Variants in UNC13C observed in about 807,000 individuals in gnomAD.
UNC13C encodes protein unc-13 homolog C.
Under a neutral mutation model 245.4 loss-of-function variants are expected in UNC13C, and 174 were observed. The observed-to-expected ratio is 0.71, with a 90% CI of 0.63 to 0.80. UNC13C has a LOEUF of 0.80. Among genes scored for constraint, UNC13C ranks in the 30% least tolerant of loss-of-function variants. UNC13C has a pLI of 0.00. For synonymous variants in UNC13C, 992 were observed against 895.1 expected, an observed-to-expected ratio of 1.11 and a Z score of -1.93; for missense variants, 2,829 against 2,602.9, an observed-to-expected ratio of 1.09 and a Z score of -1.89.
chr15:54,104,038 C>G (rs369320689), intron 2 of UNC13C, among the ~76,000 whole-genome samples: 1 of 152,226 alleles, frequency 6.6e-6, no homozygotes, highest in Admixed American at 6.5e-5. Flanking sequence ...CCACCATGCC[C>G]GGCCACACGT....
intron 30 of UNC13C, among the ~76,000 whole-genome samples, chr15:54,581,125 C>G (rs771718995): frequency 7.2e-5 from 11 of 152,110 alleles, no homozygotes; most frequent in Non-Finnish European, 1.5e-4. Flanking sequence ...AGAGTAGAGG[C>G]TTTCAGAAGG....
chr15:54,111,342 A>G (rs1900760519), intron 2 of UNC13C, among the ~76,000 whole-genome samples: 1 of 152,248 alleles, frequency 6.6e-6, no homozygotes, highest in Admixed American at 6.5e-5. Context: ...ATTTCCTCAT[A>G]AAAATAAAGT....
chr15:54,097,481 C>A (rs1413971199), intron 2 of UNC13C, among the ~76,000 whole-genome samples: 1 of 152,122 alleles, frequency 6.6e-6, no homozygotes, highest in African/African-American at 2.4e-5. Context: ...GCCTGGTATT[C>A]TATGTAGCTT....
intron 17 of UNC13C, among the ~76,000 whole-genome samples, chr15:54,343,611 T>C (rs76080743): frequency 0.038 from 5,801 of 152,252 alleles, 355 homozygotes; most frequent in African/African-American, 0.12. Context: ...CCTGAAGAAA[T>C]TCTCCCTCCT....
intron 18 of UNC13C, 69 bp downstream of exon 18, chr15:54,393,250 G>A (rs73417774): frequency 0.21 from 281,304 of 1,332,976 alleles, 35,231 homozygotes; most frequent in East Asian, 0.66. Flanking sequence ...TATTTTAAGC[G>A]CAACATATAC....
At chr15:54,592,958 TTCA>T (rs1045179810) in intron 30 of UNC13C, among the ~76,000 whole-genome samples, 1 of 152,138 alleles carries the variant, frequency 6.6e-6, no homozygotes, top group Non-Finnish European at 1.5e-5. Context: ...CAGGATTTGT[TTCA>T]AGAGTTAGAG....
intron 1 of UNC13C, among the ~76,000 whole-genome samples, chr15:54,002,013 G>A (rs918138215): frequency 2.0e-5 from 3 of 152,242 alleles, no homozygotes; most frequent in East Asian, 1.9e-4. Context: ...TCAGCCAGGC[G>A]TGGTGGCTCA....
At chr15:54,367,495 G>A (rs2039390662) in intron 17 of UNC13C, among the ~76,000 whole-genome samples, 1 of 152,138 alleles carries the variant, frequency 6.6e-6, no homozygotes, top group Admixed American at 6.6e-5. Flanking sequence ...GCTCTTTGAA[G>A]GGAGGATCTG....
chr15:53,912,498 T>C, the UNC13C span: 4 of 152,228 alleles, frequency 2.6e-5, no homozygotes, highest in African/African-American at 9.7e-5. Context: ...TTGACAGTTA[T>C]GGGGGCCAAT....
chr15:54,276,069 C>G (rs1437283510), intron 10 of UNC13C, among the ~76,000 whole-genome samples: 1 of 151,860 alleles, frequency 6.6e-6, no homozygotes, highest in African/African-American at 2.4e-5. Context: ...ATAGAAAATG[C>G]AAAATGCAGA....
intron 4 of UNC13C, among the ~76,000 whole-genome samples, chr15:54,225,206 A>G (rs992990558): frequency 3.3e-5 from 5 of 151,140 alleles, no homozygotes; most frequent in South Asian, 4.2e-4. Context: ...TGTTTTAGTT[A>G]CTATAGCCTT....
At chr15:54,181,507 T>C (rs1488080352) in intron 4 of UNC13C, among the ~76,000 whole-genome samples, 1 of 151,960 alleles carries the variant, frequency 6.6e-6, no homozygotes, top group African/African-American at 2.4e-5. Context: ...TTTTTCTTCT[T>C]AGGCTTGCTT....
chr15:54,526,597 A>G (rs1168431087), intron 25 of UNC13C, among the ~76,000 whole-genome samples: 2 of 151,978 alleles, frequency 1.3e-5, no homozygotes, highest in Non-Finnish European at 2.9e-5. Context: ...ACAAAAAAGT[A>G]GCCGGGCGTG....
At chr15:53,875,901 A>C in the UNC13C span, among the ~76,000 whole-genome samples, 5 of 152,172 alleles carry the variant, frequency 3.3e-5, no homozygotes, top group African/African-American at 1.2e-4. Flanking sequence ...CTGACACTGA[A>C]GTGTCAATGT....
chr15:54,084,175 C>G (rs995374453), intron 2 of UNC13C, among the ~76,000 whole-genome samples: 2 of 152,220 alleles, frequency 1.3e-5, no homozygotes, highest in African/African-American at 4.8e-5. Context: ...TGTCCTGGCT[C>G]TCTTCCCTCA....
chr15:54,161,856 G>A (rs1234535244), intron 4 of UNC13C, among the ~76,000 whole-genome samples: 2 of 152,094 alleles, frequency 1.3e-5, no homozygotes, highest in African/African-American at 4.8e-5. Context: ...GCTGAGGCAG[G>A]AGAATGGTTT....
chr15:54,440,254 C>T (rs1010230746), intron 19 of UNC13C, among the ~76,000 whole-genome samples: 1 of 151,914 alleles, frequency 6.6e-6, no homozygotes, highest in African/African-American at 2.4e-5. Flanking sequence ...TGAGGCCTTC[C>T]CACTTTACAG....
chr15:54,421,998 T>C (rs992972042), intron 19 of UNC13C, among the ~76,000 whole-genome samples: 1 of 152,024 alleles, frequency 6.6e-6, no homozygotes, highest in Non-Finnish European at 1.5e-5. Context: ...TTTAAATCAG[T>C]GATATGGATG....
At chr15:54,115,880 T>C (rs1248605472) in intron 2 of UNC13C, among the ~76,000 whole-genome samples, 3 of 152,048 alleles carry the variant, frequency 2.0e-5, no homozygotes, top group Non-Finnish European at 2.9e-5. Flanking sequence ...ATGGTATGAC[T>C]TTGATGACCT....
Sources: allele counts gnomAD v4.1 joint callset (sites outside exome capture counted in the v4.1 genomes callset), GRCh38; gene constraint gnomAD v4.1.1; transcripts MANE v1.5; gene names NCBI Gene and HGNC (gene_info 2026-07-23, HGNC 2026-07-21).